The following DLGAP2 variants were observed in gnomAD, a reference collection of about 807,000 sequenced individuals.
DLGAP2 encodes disks large-associated protein 2.
Under a neutral mutation model 100.3 loss-of-function variants are expected in DLGAP2, and 26 were observed. The ratio of observed to expected loss-of-function variants is 0.26; its 90% CI spans 0.19 to 0.36. The LOEUF (loss-of-function observed/expected upper bound fraction) is 0.36. DLGAP2 is among the 10% of genes least tolerant of loss of function. The pLI is 1.00. For synonymous variants in DLGAP2, 886 were observed against 630.1 expected (o/e 1.41, Z -6.08); for missense variants, 1,858 against 1,453.2 (o/e 1.28, Z -4.53).
intron 2 of DLGAP2, among the ~76,000 whole-genome samples, chr8:1,185,410 G>A (rs1170899796): frequency 4.6e-5 from 7 of 152,192 alleles, no homozygotes; most frequent in African/African-American, 1.7e-4. Flanking sequence ...TGACCCCTAA[G>A]GCCGGTCAGC....
At chr8:1,233,245 C>A (rs4073841) in intron 2 of DLGAP2, among the ~76,000 whole-genome samples, 67,559 of 152,108 alleles carry the variant, frequency 0.44, 15,978 homozygotes, top group Middle Eastern at 0.54. Context: ...GAATGAGAGG[C>A]TGCTGTGAAC....
intron 3 of DLGAP2, among the ~76,000 whole-genome samples, chr8:1,435,917 G>A: frequency 6.6e-6 from 1 of 152,036 alleles, no homozygotes; most frequent in East Asian, 1.9e-4. Context: ...TAGTAAAAGG[G>A]TTATAGAATA....
chr8:1,658,450 G>A (rs1239187742), intron 8 of DLGAP2, among the ~76,000 whole-genome samples: 1 of 152,028 alleles, frequency 6.6e-6, no homozygotes, highest in African/African-American at 2.4e-5. Flanking sequence ...GTTTTGTTAC[G>A]TAGGCTATGG....
In DLGAP2 at chr8:1,087,973, C is replaced by A. The variant is rs2701897; in HGVS notation, c.74-170878C>A. On this transcript the variant is annotated intron_variant, in intron 2 of 14. Transcript: ENST00000637795. ...AGTGCCAGTTCCTGGGCTATGTGGC[C>A]TCCTTATCCATCCTGGATAGAGCTG... Among the ~76,000 whole-genome samples, 7 of 152,096 alleles carry A rather than the reference C, an allele frequency of 4.6e-5. 1 individual carries two copies. The highest frequency in any genetic ancestry group is 7.4e-5 in the Non-Finnish European group (5 of 68,006).
At chr8:1,417,727 A>ACGGGGAGCCCCACT in intron 3 of DLGAP2, among the ~76,000 whole-genome samples, 1 of 111,496 alleles carries the variant, frequency 9.0e-6, no homozygotes, top group Non-Finnish European at 2.0e-5. Context: ...GAGGCTCCAG[A>ACGGGGAGCCCCACT]CACAGAAGCC....
chr8:812,963 G>A (rs1796398523), intron 1 of DLGAP2, among the ~76,000 whole-genome samples: 2 of 152,322 alleles, frequency 1.3e-5, no homozygotes, highest in African/African-American at 2.4e-5. Context: ...AGAATCTCTG[G>A]TTCTCAAATG....
In DLGAP2 at chr8:1,050,362, A is replaced by T. The variant is rs73180674; in HGVS notation, c.73+142396A>T. On this transcript the variant is annotated intron_variant, in intron 2 of 14. Transcript: ENST00000637795. ...AGGATAGTACTCAATGTTGCATGAGATATATATCCAACACTTTAGTATAAA... is the reference window on the plus strand; with the variant it reads ...AGGATAGTACTCAATGTTGCATGAGTTATATATCCAACACTTTAGTATAAA... 1.4e-3 allele frequency among the ~76,000 whole-genome samples: 214 copies of T among 152,266 alleles called. 1 individual carries two copies. Among genetic ancestry groups the T allele is most frequent in the Non-Finnish European group, 2.7e-3 (186 of 68,028 alleles).
chr8:954,574 C>G (rs780733675), intron 2 of DLGAP2, among the ~76,000 whole-genome samples: 1 of 152,124 alleles, frequency 6.6e-6, no homozygotes, highest in Non-Finnish European at 1.5e-5. Flanking sequence ...AAGGGTATAT[C>G]TTAGAAACAT....
At chr8:977,628 C>T (rs991886291) in intron 2 of DLGAP2, among the ~76,000 whole-genome samples, 1 of 152,196 alleles carries the variant, frequency 6.6e-6, no homozygotes, top group South Asian at 2.1e-4. Flanking sequence ...TTAGTAAACT[C>T]TATAAAACTG....
chr8:1,209,743 C>T (rs979976342), intron 2 of DLGAP2, among the ~76,000 whole-genome samples: 2 of 152,030 alleles, frequency 1.3e-5, no homozygotes, highest in Admixed American at 6.6e-5. Flanking sequence ...GGTGTTTTTC[C>T]AGGAATTAGT....
intron 2 of DLGAP2, among the ~76,000 whole-genome samples, chr8:956,851 T>C (rs4735832): frequency 0.56 from 85,382 of 152,086 alleles, 25,283 homozygotes; most frequent in African/African-American, 0.73. Flanking sequence ...ACAGGATTAT[T>C]GTGGTTGTCC....
intron 1 of DLGAP2, among the ~76,000 whole-genome samples, chr8:767,249 A>C (rs1241955401): frequency 6.6e-6 from 1 of 152,046 alleles, no homozygotes; most frequent in East Asian, 1.9e-4. Context: ...AAAACACAGG[A>C]ACACCAGCCT....
chr8:1,302,725 C>T (rs6980894), intron 3 of DLGAP2: 70,936 of 152,036 alleles, frequency 0.47, 18,451 homozygotes, highest in African/African-American at 0.71. Context: ...TTACGGGTAA[C>T]GGGCAGTGAG....
intron 1 of DLGAP2, among the ~76,000 whole-genome samples, chr8:763,390 C>G (rs1170305924): frequency 6.6e-6 from 1 of 152,212 alleles, no homozygotes; most frequent in Non-Finnish European, 1.5e-5. Flanking sequence ...AGAAAAACTG[C>G]TTGAATCTGA....
intron 3 of DLGAP2, among the ~76,000 whole-genome samples, chr8:1,479,188 T>C (rs1799020497): frequency 6.6e-6 from 1 of 152,138 alleles, no homozygotes; most frequent in South Asian, 2.1e-4. Flanking sequence ...AGGCTGTGAG[T>C]CTGGAGTCAG....
intron 3 of DLGAP2, among the ~76,000 whole-genome samples, chr8:1,318,101 CG>C: frequency 1.1e-5 from 1 of 89,824 alleles, no homozygotes; most frequent in Non-Finnish European, 2.3e-5. Flanking sequence ...GCGAGTGCAG[CG>C]TCTCTCCAAC....
intron 3 of DLGAP2, among the ~76,000 whole-genome samples, chr8:1,328,514 G>GT (rs1161643481): frequency 6.6e-6 from 1 of 151,110 alleles, no homozygotes; most frequent in African/African-American, 2.4e-5. Context: ...TTGTTTGTTT[G>GT]TTTTTTGGTT....
intron 2 of DLGAP2, among the ~76,000 whole-genome samples, chr8:984,433 G>C (rs985281008): frequency 2.0e-5 from 3 of 152,330 alleles, no homozygotes; most frequent in African/African-American, 7.2e-5. Flanking sequence ...CCAGGAGCTG[G>C]TAGCTCTCAG....
intron 2 of DLGAP2, chr8:1,137,372 A>T (rs547875194): frequency 6.5e-6 from 1 of 152,700 alleles, no homozygotes; most frequent in Admixed American, 6.5e-5. Flanking sequence ...TTCAGTCCAT[A>T]GCACCCACCA....
Sources: gnomAD v4.1 joint callset for allele counts (sites outside exome capture counted in the v4.1 genomes callset) on GRCh38, gnomAD v4.1.1 for gene constraint, MANE v1.5 for transcripts, NCBI Gene and HGNC (gene_info 2026-07-23, HGNC 2026-07-21) for gene names.